The following SMOC1 variants were observed in gnomAD, a reference collection of about 807,000 sequenced individuals.
SMOC1 encodes the protein SPARC related modular calcium binding 1.
Under a neutral mutation model 56.3 loss-of-function variants are expected in SMOC1, and 22 were observed. The ratio of observed to expected loss-of-function variants is 0.39; its 90% CI spans 0.28 to 0.56. The LOEUF (loss-of-function observed/expected upper bound fraction) is 0.56. SMOC1 is among the 20% of genes least tolerant of loss of function. The pLI, the probability that SMOC1 is intolerant of heterozygous loss-of-function variation, is 0.61. For synonymous variants in SMOC1, 193 were observed against 215.0 expected, an observed-to-expected ratio of 0.90 and a Z score of 0.89; for missense variants, 509 against 565.4, an observed-to-expected ratio of 0.90 and a Z score of 1.01.
intron 1 of SMOC1, among the ~76,000 whole-genome samples, chr14:69,904,751 T>C (rs1365237526): frequency 2.0e-5 from 3 of 152,212 alleles, no homozygotes; most frequent in Non-Finnish European, 2.9e-5. Context: ...TCATGGAGCC[T>C]GTCTGAAACT....
At chr14:69,924,998 G>A (rs1884967820) in intron 1 of SMOC1, among the ~76,000 whole-genome samples, 1 of 35,736 alleles carries the variant, frequency 2.8e-5, no homozygotes, top group Non-Finnish European at 5.8e-5. Flanking sequence ...GGGGAGGTAG[G>A]GGAGGTAGGG....
Position 70,010,909 on chromosome 14 carries a change from G to A in SMOC1, c.820G>A (p.Val274Met). Residue 274 changes from valine (V) to methionine (M), a missense_variant, in exon 8 of 12, where the codon GTG becomes ATG. Val to Met is a conservative substitution (Grantham distance 21). Transcript: ENST00000361956. ...CACTGGCTACTGCTGGTGTGTGCTGGTGGACACAGGGCGCCCGCTGCCTGG... is the reference window on the plus strand; with the variant it reads ...CACTGGCTACTGCTGGTGTGTGCTGATGGACACAGGGCGCCCGCTGCCTGG... The part of the protein sequence containing the change: ...QSTGYCWCVL[V>M]DTGRPLPGTS... 2 of 1,613,410 alleles carry A rather than the reference G, an allele frequency of 1.2e-6. No individual in the cohort carries two copies. The highest frequency in any genetic ancestry group is 1.7e-6 in the Non-Finnish European group (2 of 1,180,026).
At chr14:69,920,472 A>G (rs1013102164) in intron 1 of SMOC1, among the ~76,000 whole-genome samples, 2 of 152,210 alleles carry the variant, frequency 1.3e-5, no homozygotes, top group African/African-American at 4.8e-5. Context: ...GTGCTCATAC[A>G]TCTCAACAGG....
chr14:69,884,530 T>TC lies in SMOC1; in HGVS notation c.99+4758dup, dbSNP rs1331142375. On this transcript the variant is annotated intron_variant, in intron 1 of 11. Transcript: ENST00000361956. ...TCCCCAAACCAAAGTCATGGAGCTTTCCCCCTATGTTTTCTTTTAATAGTG... is the reference window on the plus strand; with the variant it reads ...TCCCCAAACCAAAGTCATGGAGCTTTCCCCCCTATGTTTTCTTTTAATAGTG... Among the ~76,000 whole-genome samples, 3 of 152,164 alleles carry TC rather than the reference T, an allele frequency of 2.0e-5. No homozygotes were observed. The South Asian group carries it at 6.2e-4, about 32-fold the overall frequency.
chr14:69,943,780 T>A (rs573724723), intron 1 of SMOC1, among the ~76,000 whole-genome samples: 7 of 152,286 alleles, frequency 4.6e-5, no homozygotes, highest in Non-Finnish European at 1.0e-4. Flanking sequence ...CAGAAAAACA[T>A]CCCCTCTCTT....
chr14:70,029,299 G>A (rs1886052304), intron 11 of SMOC1, among the ~76,000 whole-genome samples: 1 of 152,166 alleles, frequency 6.6e-6, no homozygotes, highest in African/African-American at 2.4e-5. Flanking sequence ...TCGCCCCTCT[G>A]CTCTGAGCTG....
chr14:69,886,938 T>C (rs919616624), intron 1 of SMOC1, among the ~76,000 whole-genome samples: 4 of 152,214 alleles, frequency 2.6e-5, no homozygotes, highest in African/African-American at 9.7e-5. Flanking sequence ...AAAGAATTGA[T>C]ATGATCTAAT....
intron 7 of SMOC1, among the ~76,000 whole-genome samples, chr14:70,004,744 G>A (rs1320496726): frequency 6.6e-6 from 1 of 151,984 alleles, no homozygotes; most frequent in Non-Finnish European, 1.5e-5. Context: ...TAGATATCTA[G>A]CACTTGTCCC....
chr14:69,918,378 C>T (rs943171412), intron 1 of SMOC1, among the ~76,000 whole-genome samples: 12 of 152,044 alleles, frequency 7.9e-5, no homozygotes, highest in South Asian at 2.1e-4. Flanking sequence ...TAGGTGTGCA[C>T]CACCATGCTT....
chr14:69,915,288 A>G (rs974269787), intron 1 of SMOC1, among the ~76,000 whole-genome samples: 2 of 152,200 alleles, frequency 1.3e-5, no homozygotes, highest in Non-Finnish European at 2.9e-5. Flanking sequence ...GGTTACCATT[A>G]CTGTATCTCT....
intron 1 of SMOC1, among the ~76,000 whole-genome samples, chr14:69,921,955 G>A (rs1053719229): frequency 6.6e-6 from 1 of 152,172 alleles, no homozygotes; most frequent in African/African-American, 2.4e-5. Flanking sequence ...TGATTTTGGG[G>A]TGCCTCACCT....
At chr14:69,994,549 C>T in intron 7 of SMOC1, 69 bp downstream of exon 7, 2 of 1,242,266 alleles carry the variant, frequency 1.6e-6, no homozygotes, top group African/African-American at 1.5e-5. Context: ...TCTGTGACTA[C>T]TTATTGTGTG....
At chr14:69,925,965 C>T (rs1020457703) in intron 1 of SMOC1, among the ~76,000 whole-genome samples, 1 of 152,156 alleles carries the variant, frequency 6.6e-6, no homozygotes, top group Non-Finnish European at 1.5e-5. Context: ...TCCTGCCCCC[C>T]ACTCTCCCGC....
chr14:69,917,382 C>T (rs924085832), intron 1 of SMOC1, among the ~76,000 whole-genome samples: 2 of 152,166 alleles, frequency 1.3e-5, no homozygotes, highest in African/African-American at 4.8e-5. Flanking sequence ...GCACATGGGC[C>T]ATTGTGGTGA....
chr14:69,980,423 T>G (rs1035399795), intron 5 of SMOC1, among the ~76,000 whole-genome samples: 2 of 152,178 alleles, frequency 1.3e-5, no homozygotes, highest in Non-Finnish European at 2.9e-5. Context: ...GAGTCTTAAA[T>G]CCTATTTAGT....
intron 3 of SMOC1, among the ~76,000 whole-genome samples, chr14:69,972,706 G>A (rs1883812189): frequency 6.6e-6 from 1 of 152,182 alleles, no homozygotes; most frequent in Non-Finnish European, 1.5e-5. Context: ...TGAGAATGTG[G>A]CCCTTGGGAC....
At position 70,030,353 on chromosome 14, in the gene SMOC1, C is replaced by T; in HGVS notation, c.*95C>T. On this transcript the variant is annotated 3_prime_UTR_variant, in exon 12 of 12. Coordinates refer to ENST00000361956, the MANE Select transcript of SMOC1 (RefSeq NM_001034852.3). Reference sequence around the variant, plus strand: ...AGCGTTGCCCATGGCCCTGCCACATCCCGTGTAACATAAGTGGTGCCCACC... The same window carrying T: ...AGCGTTGCCCATGGCCCTGCCACATTCCGTGTAACATAAGTGGTGCCCACC... 1.3e-6 allele frequency: 2 copies of T among 1,485,252 alleles called. No individual in the cohort carries two copies. Among genetic ancestry groups the T allele is most frequent in the South Asian group, 2.4e-5 (2 of 83,670 alleles). The allele number at this position is 1,485,252 out of a possible 1,614,324, so 92.0% of individuals were successfully genotyped here. A position where few individuals can be genotyped will look rare whatever the true frequency, so the allele number is the denominator to read the frequency against.
At chr14:69,974,239 G>T (rs765677100) in intron 3 of SMOC1, among the ~76,000 whole-genome samples, 1 of 152,174 alleles carries the variant, frequency 6.6e-6, no homozygotes, top group Non-Finnish European at 1.5e-5. Flanking sequence ...GATAAGGGCT[G>T]TGATTTTGGG....
intron 6 of SMOC1, 32 bp downstream of exon 6, chr14:69,992,505 C>A (rs374273817): frequency 1.3e-5 from 19 of 1,505,780 alleles, no homozygotes; most frequent in Non-Finnish European, 1.7e-5. Context: ...GATGTTCATT[C>A]TCCCACTCAT....
Sources: gnomAD v4.1 joint callset for allele counts (sites outside exome capture counted in the v4.1 genomes callset) on GRCh38, gnomAD v4.1.1 for gene constraint, MANE v1.5 for transcripts, NCBI Gene and HGNC (gene_info 2026-07-23, HGNC 2026-07-21) for gene names.